MDGA2: variants seen among roughly 807,000 people sequenced by gnomAD.
MDGA2 encodes the protein MAM domain-containing glycosylphosphatidylinositol anchor protein 2.
Under a neutral mutation model 117.8 loss-of-function variants are expected in MDGA2, and 40 were observed. The observed-to-expected ratio is 0.34, with a 90% confidence interval of 0.26 to 0.44. The LOEUF (loss-of-function observed/expected upper bound fraction) is 0.44. MDGA2 is among the 20% of genes least tolerant of loss of function. The pLI, the probability that MDGA2 is intolerant of heterozygous loss-of-function variation, is 1.00. For missense variants in MDGA2, 1,123 were observed against 1,250.6 expected (o/e 0.90, Z 1.54); for synonymous variants, 452 against 439.0 (o/e 1.03, Z -0.37).
chr14:47,317,583 A>AGTG (rs1466543246), intron 1 of MDGA2, among the ~76,000 whole-genome samples: 1 of 152,048 alleles, frequency 6.6e-6, no homozygotes, highest in Non-Finnish European at 1.5e-5. Context: ...CTGTAATGCT[A>AGTG]GTCAACACTA....
At chr14:47,107,252 T>C (rs532643084) in intron 5 of MDGA2, among the ~76,000 whole-genome samples, 78 of 152,130 alleles carry the variant, frequency 5.1e-4, no homozygotes, top group African/African-American at 1.8e-3. Flanking sequence ...TTAAAGCCTA[T>C]AAACTCTCCT....
chr14:47,342,075 T>A (rs1471605750), intron 1 of MDGA2, among the ~76,000 whole-genome samples: 1 of 151,882 alleles, frequency 6.6e-6, no homozygotes, highest in Non-Finnish European at 1.5e-5. Context: ...GTTCTCAAAC[T>A]CCTGACCTCA....
chr14:47,428,649 T>C (rs1161207482), intron 1 of MDGA2, among the ~76,000 whole-genome samples: 1 of 152,020 alleles, frequency 6.6e-6, no homozygotes, highest in African/African-American at 2.4e-5. Context: ...GACAGGCTTT[T>C]CTAAGAAGAG....
intron 2 of MDGA2, chr14:47,299,548 C>CA (rs1889204953): frequency 1.3e-5 from 2 of 152,010 alleles, no homozygotes; most frequent in South Asian, 4.1e-4. Context: ...GTCTACAAAA[C>CA]AAAAAATATA....
chr14:47,044,849 T>C (rs1396377084), intron 7 of MDGA2, among the ~76,000 whole-genome samples: 1 of 152,164 alleles, frequency 6.6e-6, no homozygotes, highest in African/African-American at 2.4e-5. Context: ...TAATGACTAT[T>C]TTTGAAAGAA....
intron 14 of MDGA2, among the ~76,000 whole-genome samples, chr14:46,864,899 A>G (rs1022772823): frequency 1.3e-5 from 2 of 152,040 alleles, no homozygotes; most frequent in African/African-American, 2.4e-5. Context: ...ATCAGAATGC[A>G]AGTACCTTAA....
chr14:47,438,797 C>T (rs533818100), intron 1 of MDGA2, among the ~76,000 whole-genome samples: 56 of 152,158 alleles, frequency 3.7e-4, no homozygotes, highest in Admixed American at 1.3e-3. Flanking sequence ...GTGCTCCAAG[C>T]TCTATCAGGG....
chr14:47,321,892 C>T (rs1265798523), intron 1 of MDGA2, among the ~76,000 whole-genome samples: 1 of 152,132 alleles, frequency 6.6e-6, no homozygotes, highest in Non-Finnish European at 1.5e-5. Flanking sequence ...TTTAATAATT[C>T]ATTTTTAATA....
intron 10 of MDGA2, among the ~76,000 whole-genome samples, chr14:46,883,169 G>A (rs1039524017): frequency 3.9e-5 from 6 of 151,984 alleles, no homozygotes; most frequent in Admixed American, 2.0e-4. Flanking sequence ...AAAAACTTAT[G>A]TATACAAACC....
intron 4 of MDGA2, among the ~76,000 whole-genome samples, chr14:47,137,924 T>C (rs927363438): frequency 6.6e-6 from 1 of 152,080 alleles, no homozygotes; most frequent in African/African-American, 2.4e-5. Context: ...TAAGTTAATA[T>C]GTAAGATTAA....
chr14:46,857,391 T>G (rs1047387043), intron 14 of MDGA2, among the ~76,000 whole-genome samples: 1 of 141,660 alleles, frequency 7.1e-6, no homozygotes, highest in Non-Finnish European at 1.5e-5. Flanking sequence ...TTCAGGCGGG[T>G]TTTTTTTCCA....
intron 1 of MDGA2, among the ~76,000 whole-genome samples, chr14:47,437,083 C>CT (rs1001213279): frequency 4.7e-4 from 70 of 148,456 alleles, no homozygotes; most frequent in Middle Eastern, 3.5e-3. Flanking sequence ...ATTGTACTTT[C>CT]TTTTTTTTTT....
At chr14:46,936,204 G>A (rs150743019) in intron 9 of MDGA2, among the ~76,000 whole-genome samples, 208 of 151,874 alleles carry the variant, frequency 1.4e-3, no homozygotes, top group Non-Finnish European at 2.3e-3. Context: ...CTACAATTTC[G>A]TTCTTGAAAA....
chr14:47,378,544 C>T (rs1368298387), intron 1 of MDGA2, among the ~76,000 whole-genome samples: 1 of 152,132 alleles, frequency 6.6e-6, no homozygotes, highest in Non-Finnish European at 1.5e-5. Context: ...AGCTGAAAAC[C>T]ATGGCAGGAG....
chr14:47,019,917 T>A (rs918350977), intron 8 of MDGA2, among the ~76,000 whole-genome samples: 1 of 152,102 alleles, frequency 6.6e-6, no homozygotes, highest in Admixed American at 6.5e-5. Context: ...TTAAAAGGAT[T>A]TGTGTAGCAT....
chr14:47,527,488 A>G (rs1894997363), intron 1 of MDGA2, among the ~76,000 whole-genome samples: 1 of 152,158 alleles, frequency 6.6e-6, no homozygotes, highest in South Asian at 2.1e-4. Context: ...CTTGCAGTGG[A>G]AAGGATAATC....
At chr14:47,309,404 A>G (rs1889562870) in intron 1 of MDGA2, among the ~76,000 whole-genome samples, 1 of 152,154 alleles carries the variant, frequency 6.6e-6, no homozygotes, top group Admixed American at 6.6e-5. Context: ...GTAAAGTGAA[A>G]GTAGTAAGAT....
intron 1 of MDGA2, among the ~76,000 whole-genome samples, chr14:47,455,039 A>G (rs1233382722): frequency 6.6e-6 from 1 of 152,214 alleles, no homozygotes; most frequent in African/African-American, 2.4e-5. Context: ...ATAGTCTAGA[A>G]AGATGAGAAA....
Position 47,061,376 on chromosome 14 carries a change from C to A in MDGA2, c.1398G>T (p.Pro466=), listed in dbSNP as rs144368499. 36 of 1,613,538 alleles carry A rather than the reference C, an allele frequency of 2.2e-5. No individual in the cohort carries two copies. In the African/African-American group the frequency reaches 3.9e-4, roughly 17 times the overall value. The change falls in exon 7 of 17, where the codon CCG becomes CCT. Residue 466 remains proline (P), a synonymous_variant. Coordinates refer to ENST00000399232, the MANE Select transcript of MDGA2 (RefSeq NM_001113498.3). ...CAATGATGTCCAAGTTTGTTGTTCC[C>A]GGAGAGACATCAGGATCAGTCTGTG... is the stretch of plus-strand genomic sequence containing the variant. The part of the protein sequence containing the change: ...VITQTDPDVS[P]GTTNLDIIDL...
Sources: gnomAD v4.1 joint callset for allele counts (sites outside exome capture counted in the v4.1 genomes callset) on GRCh38, gnomAD v4.1.1 for gene constraint, MANE v1.5 for transcripts, NCBI Gene and HGNC (gene_info 2026-07-23, HGNC 2026-07-21) for gene names.